Variants in SPAG17 observed in about 807,000 individuals in gnomAD.
SPAG17 encodes sperm associated antigen 17.
In SPAG17, 169 loss-of-function variants were observed where a neutral mutation model predicts 273.6. That is an observed-to-expected ratio of 0.62 (90% CI 0.55 to 0.70). The LOEUF is 0.70. Ranked by LOEUF, SPAG17 falls within the 30% of genes least tolerant of loss-of-function variation. The probability of loss-of-function intolerance (pLI) is 0.00; values close to 1 mark genes in which losing one functional copy is unlikely to be tolerated. For missense variants in SPAG17, 2,557 were observed against 2,627.8 expected, an observed-to-expected ratio of 0.97 and a Z score of 0.59; for synonymous variants, 825 against 873.2, an observed-to-expected ratio of 0.94 and a Z score of 0.97.
At chr1:118,039,075 C>T (rs1649420627) in intron 23 of SPAG17, among the ~76,000 whole-genome samples, 1 of 151,930 alleles carries the variant, frequency 6.6e-6, no homozygotes, top group South Asian at 2.1e-4. Flanking sequence ...CCTAAAACTG[C>T]TATAAAAAAT....
chr1:118,041,819 G>T lies in SPAG17; in HGVS notation c.3038C>A (p.Pro1013His). Residue 1013 changes from proline to histidine, a missense_variant, in exon 21 of 49, where the codon CCT becomes CAT. Physicochemically the swap from Pro to His is moderately conservative, Grantham distance 77. Coordinates refer to ENST00000336338, the MANE Select transcript of SPAG17 (RefSeq NM_206996.4). ...GGAGTTTACCGGGTAAGTTATCTTAGGTTCTGGTTGGTGGGGGGACTCTTC... is the reference window on the plus strand; with the variant it reads ...GGAGTTTACCGGGTAAGTTATCTTATGTTCTGGTTGGTGGGGGGACTCTTC... ...VTEESPHQPE[P>H]KITYPFHGYN... The T allele has an allele frequency of 6.2e-7, 1 of 1,611,150 alleles. No individual in the cohort carries two copies. Among genetic ancestry groups the T allele is most frequent in the Admixed American group, 1.7e-5 (1 of 59,328 alleles).
chr1:118,035,644 T>C (rs1648990816), intron 24 of SPAG17, among the ~76,000 whole-genome samples: 1 of 152,170 alleles, frequency 6.6e-6, no homozygotes, highest in Non-Finnish European at 1.5e-5. Flanking sequence ...ATTGAAAATT[T>C]ATCTCTGCAA....
intron 42 of SPAG17, among the ~76,000 whole-genome samples, chr1:117,982,641 T>C (rs1324563282): frequency 6.6e-6 from 1 of 152,180 alleles, no homozygotes; most frequent in East Asian, 1.9e-4. Context: ...AATGAAGACA[T>C]TCTCCTACAT....
At position 117,994,430 on chromosome 1, in the gene SPAG17, T is replaced by C. The variant is rs1277066034; in HGVS notation, c.5154A>G (p.Ser1718=). The C allele has an allele frequency of 2.5e-6, 4 of 1,612,566 alleles. No homozygotes were observed. Among genetic ancestry groups the C allele is most frequent in the Non-Finnish European group, 3.4e-6 (4 of 1,179,082 alleles). Residue 1718 remains serine (S), a synonymous_variant, in exon 35 of 49, where the codon TCA becomes TCG. Transcript: ENST00000336338. ...CCTCAACTGAGGGAAATGTTTCCCA[T>C]GACCTTGACCGGAGATTAGGAGGGA... ...TIVPPNLRSR[S]WETFPSVEKK...
At chr1:117,981,430 G>T in intron 42 of SPAG17, 29 bp from the exon 43 acceptor site, 1 of 1,574,994 alleles carries the variant, frequency 6.3e-7, no homozygotes, top group Non-Finnish European at 8.6e-7. Flanking sequence ...ACCTTATAAA[G>T]TGATATTTTG....
intron 13 of SPAG17, among the ~76,000 whole-genome samples, chr1:118,085,084 T>C (rs536550855): frequency 4.9e-4 from 74 of 152,334 alleles, no homozygotes; most frequent in South Asian, 1.0e-3. Flanking sequence ...AGTCACACTC[T>C]TTCTTAGTTC....
At chr1:118,026,891 G>A (rs1206408522) in intron 26 of SPAG17, among the ~76,000 whole-genome samples, 1 of 152,112 alleles carries the variant, frequency 6.6e-6, no homozygotes, top group Non-Finnish European at 1.5e-5. Context: ...TGCTACTTTG[G>A]TATTTATGTT....
chr1:118,057,512 A>G (rs1320494946), intron 18 of SPAG17, among the ~76,000 whole-genome samples: 1 of 152,238 alleles, frequency 6.6e-6, no homozygotes, highest in Non-Finnish European at 1.5e-5. Flanking sequence ...ATAGACTTAC[A>G]TATACAGCTC....
At chr1:117,992,678 CAA>C in intron 35 of SPAG17, 30 bp from the exon 36 acceptor site, 1 of 1,496,818 alleles carries the variant, frequency 6.7e-7, no homozygotes, top group Non-Finnish European at 8.9e-7. Context: ...ATAACACCAC[CAA>C]AGAAATCAGA....
At chr1:117,974,118 C>A (rs1484843191) in intron 43 of SPAG17, among the ~76,000 whole-genome samples, 1 of 152,122 alleles carries the variant, frequency 6.6e-6, no homozygotes, top group African/African-American at 2.4e-5. Context: ...AACATTACTG[C>A]AGTGAACATG....
chr1:118,147,274 G>A (rs1172579954), intron 3 of SPAG17, among the ~76,000 whole-genome samples: 2 of 151,704 alleles, frequency 1.3e-5, no homozygotes, highest in Non-Finnish European at 2.9e-5. Flanking sequence ...GAGTATGTTT[G>A]TTAATATTCG....
intron 31 of SPAG17, among the ~76,000 whole-genome samples, chr1:118,006,993 T>C (rs1658963120): frequency 6.6e-6 from 1 of 152,196 alleles, no homozygotes; most frequent in Non-Finnish European, 1.5e-5. Context: ...AGTTGTAGGG[T>C]ACTCTGTACA....
Position 118,140,085 on chromosome 1 carries a change from G to A in SPAG17, c.315+10458C>T, listed in dbSNP as rs148395056. Reference sequence around the variant, plus strand: ...CAGGACTCCGCATGGAGTCGCACCAGGAAGAAGGCTCCCACCAGATGGGTG... The same window carrying A: ...CAGGACTCCGCATGGAGTCGCACCAAGAAGAAGGCTCCCACCAGATGGGTG... On this transcript the variant is annotated intron_variant, in intron 3 of 48. Coordinates refer to ENST00000336338, the MANE Select transcript of SPAG17 (RefSeq NM_206996.4). Among the ~76,000 whole-genome samples, 195 of 152,166 alleles carry A rather than the reference G, an allele frequency of 1.3e-3. 2 individuals are homozygous for A. The highest frequency in any genetic ancestry group is 4.5e-3 in the African/African-American group (186 of 41,484).
chr1:118,027,898 G>A (rs914995665), intron 26 of SPAG17, among the ~76,000 whole-genome samples: 1 of 152,168 alleles, frequency 6.6e-6, no homozygotes, highest in Non-Finnish European at 1.5e-5. Context: ...ATGACCCTCT[G>A]TAGAGGCAAG....
At position 118,039,423 on chromosome 1, in the gene SPAG17, C is replaced by T; in HGVS notation, c.3188G>A (p.Arg1063Lys). The change falls in exon 23 of 49, where the codon AGA (arginine) becomes AAA (lysine). Residue 1063 changes from arginine to lysine, a missense_variant. Arg to Lys is a conservative substitution (Grantham distance 26, BLOSUM62 2). Coordinates refer to ENST00000336338, the MANE Select transcript of SPAG17 (RefSeq NM_206996.4). ...FEKGPTFIKVRVVKDNHNFMI... is the reference protein window; with the variant it reads ...FEKGPTFIKVKVVKDNHNFMI... The stretch of plus-strand genomic sequence containing the variant: ...AAAATTGTGGTTGTCCTTTACCACT[C>T]TCACTTTGATAAAAGTTGGGCCTGA... 6.2e-7 allele frequency: 1 copy of T among 1,613,404 alleles called. No individual in the cohort carries two copies. Among genetic ancestry groups the T allele is most frequent in the Non-Finnish European group, 8.5e-7 (1 of 1,179,590 alleles).
intron 4 of SPAG17, among the ~76,000 whole-genome samples, chr1:118,106,714 A>G (rs1377231617): frequency 6.6e-6 from 1 of 152,246 alleles, no homozygotes; most frequent in Non-Finnish European, 1.5e-5. Context: ...AGATTAAATT[A>G]TTTTAAAGTT....
chr1:118,067,018 A>G, intron 17 of SPAG17, 119 bp from the exon 18 acceptor site: 1 of 884,832 alleles, frequency 1.1e-6, no homozygotes, highest in Non-Finnish European at 1.6e-6. Flanking sequence ...ATTGTTAGTC[A>G]AGTTGAAATT....
At chr1:118,073,800 CAG>C in intron 17 of SPAG17, 52 bp downstream of exon 17, 1 of 1,190,700 alleles carries the variant, frequency 8.4e-7, no homozygotes, top group South Asian at 1.4e-5. Context: ...TAAATCACAG[CAG>C]ACTCTCCAGA....
At chr1:118,067,227 T>C (rs1009175222) in intron 17 of SPAG17, among the ~76,000 whole-genome samples, 1 of 152,214 alleles carries the variant, frequency 6.6e-6, no homozygotes, top group Non-Finnish European at 1.5e-5. Context: ...TGCCTTGATA[T>C]AGACCATCTA....
Sources: allele counts gnomAD v4.1 joint callset (sites outside exome capture counted in the v4.1 genomes callset), GRCh38; gene constraint gnomAD v4.1.1; transcripts MANE v1.5; gene names NCBI Gene and HGNC (gene_info 2026-07-23, HGNC 2026-07-21).